EZR: variants seen among roughly 807,000 people sequenced by gnomAD.
EZR encodes ezrin, also known as cytovillin 2.
EZR carries 40 observed loss-of-function variants against 74.8 expected under a neutral mutation model. The observed-to-expected ratio is 0.53, with a 90% CI of 0.42 to 0.70. The LOEUF (loss-of-function observed/expected upper bound fraction) is 0.70. Ranked by LOEUF, EZR falls within the 30% of genes least tolerant of loss-of-function variation. The pLI, the probability that EZR is intolerant of heterozygous loss-of-function variation, is 0.00. For missense variants in EZR, 678 were observed against 755.8 expected (o/e 0.90, Z 1.21); for synonymous variants, 341 against 283.3 (o/e 1.20, Z -2.05).
At chr6:158,772,645 TA>T (rs1171319935) in intron 8 of EZR, among the ~76,000 whole-genome samples, 4 of 152,364 alleles carry the variant, frequency 2.6e-5, no homozygotes, top group African/African-American at 9.6e-5. Flanking sequence ...AACTCCTTGC[TA>T]CTGCTGTGAT....
chr6:158,774,671 AAAC>A (rs1791215982), intron 8 of EZR, among the ~76,000 whole-genome samples: 4 of 69,956 alleles, frequency 5.7e-5, no homozygotes, highest in African/African-American at 2.6e-4. Flanking sequence ...ACTTATCATC[AAAC>A]ACACACACAC....
At chr6:158,805,289 ACATGGCGC>A (rs1370209279) in intron 2 of EZR, among the ~76,000 whole-genome samples, 2 of 147,630 alleles carry the variant, frequency 1.4e-5, no homozygotes, top group Non-Finnish European at 3.0e-5. Flanking sequence ...CAGTGAGCCT[ACATGGCGC>A]CACTGCACTC....
intron 12 of EZR, among the ~76,000 whole-genome samples, chr6:158,768,300 T>G (rs1441254741): frequency 1.3e-5 from 2 of 152,098 alleles, no homozygotes; most frequent in Non-Finnish European, 2.9e-5. Flanking sequence ...CGATTGTAAA[T>G]TTCCTGAGGC....
At chr6:158,775,739 G>A (rs1197088880) in intron 8 of EZR, among the ~76,000 whole-genome samples, 1 of 152,236 alleles carries the variant, frequency 6.6e-6, no homozygotes, top group Admixed American at 6.5e-5. Flanking sequence ...AGTTATGTGC[G>A]TATGTCTCAA....
At chr6:158,807,538 A>G (rs77089314) in intron 2 of EZR, among the ~76,000 whole-genome samples, 6,258 of 152,302 alleles carry the variant, frequency 0.041, 206 homozygotes, top group South Asian at 0.076. Context: ...AAAGACCATC[A>G]TGGTTCACTG....
intron 2 of EZR, among the ~76,000 whole-genome samples, chr6:158,803,594 TATATATATATAC>T (rs1205718862): frequency 1.5e-4 from 2 of 13,782 alleles, no homozygotes; most frequent in Admixed American, 7.3e-4. Context: ...TATATATATA[TATATATATATAC>T]ATATATATAT....
intron 2 of EZR, among the ~76,000 whole-genome samples, chr6:158,796,967 A>G (rs1406240782): frequency 6.6e-6 from 1 of 152,240 alleles, no homozygotes; most frequent in Non-Finnish European, 1.5e-5. Flanking sequence ...CCAAGTTGAC[A>G]ATCAAATTTT....
chr6:158,794,765 C>T (rs967515192), intron 2 of EZR, among the ~76,000 whole-genome samples: 2 of 152,278 alleles, frequency 1.3e-5, no homozygotes, highest in South Asian at 2.1e-4. Context: ...GGCAATATTT[C>T]TCCCAGGCTT....
At chr6:158,797,570 G>A (rs991324704) in intron 2 of EZR, among the ~76,000 whole-genome samples, 1 of 151,954 alleles carries the variant, frequency 6.6e-6, no homozygotes, top group Non-Finnish European at 1.5e-5. Context: ...TCTTCCGAAG[G>A]TGCCACTTCA....
intron 2 of EZR, among the ~76,000 whole-genome samples, chr6:158,793,635 A>G (rs1383438091): frequency 6.6e-6 from 1 of 151,992 alleles, no homozygotes; most frequent in Non-Finnish European, 1.5e-5. Flanking sequence ...AGACTATCCC[A>G]AGCACTCAGG....
rs201933205 is a variant in EZR at position 158,809,095 on chromosome 6, TCAAAAACA to T, written c.12+8979_12+8986del. Reference sequence around the variant, plus strand: ...TTGAGCAACAGAGCAAGACCGCATCTCAAAAACACAAAAACAACACCTATCCTCTTGCT... The same window carrying T: ...TTGAGCAACAGAGCAAGACCGCATCTCAAAAACAACACCTATCCTCTTGCT... On this transcript the variant is annotated intron_variant, in intron 2 of 13. Coordinates refer to ENST00000367075, the MANE Select transcript of EZR (RefSeq NM_001111077.2). Among the ~76,000 whole-genome samples, 30 of 152,302 alleles carry T rather than the reference TCAAAAACA, an allele frequency of 2.0e-4. 1 individual carries two copies. In the East Asian group the frequency reaches 4.6e-3, roughly 23 times the overall value.
At chr6:158,817,987 T>G in intron 2 of EZR, 95 bp downstream of exon 2, 3 of 1,274,714 alleles carry the variant, frequency 2.4e-6, no homozygotes. Context: ...AGAAGAACCC[T>G]GTTCCCCAGG....
At chr6:158,776,704 G>C (rs761825998) in intron 7 of EZR, among the ~76,000 whole-genome samples, 200 bp from the exon 8 acceptor site, 22 of 152,208 alleles carry the variant, frequency 1.4e-4, no homozygotes, top group Non-Finnish European at 2.8e-4. Context: ...CAAGGCATCT[G>C]CAACCTTAAT....
chr6:158,795,951 T>C (rs1047786083), intron 2 of EZR, among the ~76,000 whole-genome samples: 1 of 152,144 alleles, frequency 6.6e-6, no homozygotes, highest in African/African-American at 2.4e-5. Context: ...AGGTAGAGTT[T>C]GGACTAGATG....
At chr6:158,770,425 C>T (rs929138608) in intron 10 of EZR, among the ~76,000 whole-genome samples, 2 of 152,152 alleles carry the variant, frequency 1.3e-5, no homozygotes, top group Non-Finnish European at 2.9e-5. Context: ...GAGGGCAGTG[C>T]AGCATGGCCC....
chr6:158,768,317 C>T (rs957819685), intron 12 of EZR, among the ~76,000 whole-genome samples: 2 of 152,148 alleles, frequency 1.3e-5, no homozygotes, highest in Non-Finnish European at 2.9e-5. Context: ...AGGCCTCCCC[C>T]AGCCATGTGG....
At chr6:158,781,293 G>A (rs1486109387) in intron 7 of EZR, among the ~76,000 whole-genome samples, 1 of 152,150 alleles carries the variant, frequency 6.6e-6, no homozygotes. Context: ...ATGAAGAGAG[G>A]GGTGTGCCTT....
At chr6:158,781,627 A>G (rs1791434712) in intron 7 of EZR, among the ~76,000 whole-genome samples, 1 of 152,196 alleles carries the variant, frequency 6.6e-6, no homozygotes, top group Admixed American at 6.5e-5. Flanking sequence ...TTTCCAAGGC[A>G]GAGGCAGTTT....
chr6:158,774,671 AAACACACAC>A (rs1791216092), intron 8 of EZR, among the ~76,000 whole-genome samples: 1 of 69,956 alleles, frequency 1.4e-5, no homozygotes, highest in Non-Finnish European at 2.9e-5. Context: ...ACTTATCATC[AAACACACAC>A]ACACACACAC....
Sources: allele counts gnomAD v4.1 joint callset (sites outside exome capture counted in the v4.1 genomes callset), GRCh38; gene constraint gnomAD v4.1.1; transcripts MANE v1.5; gene names NCBI Gene and HGNC (gene_info 2026-07-23, HGNC 2026-07-21).